RPA1: variants seen among roughly 807,000 people sequenced by gnomAD.
RPA1 encodes replication protein A1.
RPA1 carries 49 observed loss-of-function variants against 83.0 expected under a neutral mutation model. The ratio of observed to expected loss-of-function variants is 0.59; its 90% CI spans 0.47 to 0.75. The LOEUF is 0.75. RPA1 is among the 30% of genes least tolerant of loss of function. The probability of loss-of-function intolerance (pLI) is 0.00; values close to 1 mark genes in which losing one functional copy is unlikely to be tolerated. For missense variants in RPA1, 693 were observed against 776.1 expected, an observed-to-expected ratio of 0.89 and a Z score of 1.27; for synonymous variants, 279 against 281.8, an observed-to-expected ratio of 0.99 and a Z score of 0.10.
At chr17:1,833,247 G>T (rs1330206131) in intron 1 of RPA1, among the ~76,000 whole-genome samples, 1 of 152,160 alleles carries the variant, frequency 6.6e-6, no homozygotes, top group Non-Finnish European at 1.5e-5. Flanking sequence ...TAAATTCCAT[G>T]AGGCCTGCAA....
intron 15 of RPA1, among the ~76,000 whole-genome samples, 173 bp downstream of exon 15, chr17:1,892,113 T>G (rs1914225527): frequency 6.6e-6 from 1 of 151,782 alleles, no homozygotes; most frequent in African/African-American, 2.4e-5. Flanking sequence ...TTCAAGTGAT[T>G]CTCCTGCCCC....
chr17:1,894,166 ACCT>A (rs1471095838), intron 15 of RPA1, among the ~76,000 whole-genome samples: 2 of 140,818 alleles, frequency 1.4e-5, no homozygotes, highest in Admixed American at 1.4e-4. Context: ...ACCATACCTG[ACCT>A]CCTAATTTTT....
intron 12 of RPA1, among the ~76,000 whole-genome samples, chr17:1,883,324 C>T (rs1191146128): frequency 2.6e-5 from 4 of 152,030 alleles, no homozygotes; most frequent in Admixed American, 6.6e-5. Flanking sequence ...CCACCACGCC[C>T]GGCTAATTTT....
At chr17:1,867,404 A>C (rs1913217150) in intron 5 of RPA1, among the ~76,000 whole-genome samples, 1 of 152,072 alleles carries the variant, frequency 6.6e-6, no homozygotes, top group Non-Finnish European at 1.5e-5. Flanking sequence ...TTTGGGGGCA[A>C]AAGTGTTTAT....
intron 1 of RPA1, among the ~76,000 whole-genome samples, chr17:1,831,760 G>A (rs1247604493): frequency 1.5e-4 from 22 of 151,298 alleles, no homozygotes; most frequent in Non-Finnish European, 5.9e-5. Flanking sequence ...CACCACGCCC[G>A]GCTAATTTTT....
chr17:1,842,675 G>T, intron 1 of RPA1, 128 bp from the exon 2 acceptor site: 1 of 725,176 alleles, frequency 1.4e-6, no homozygotes. Flanking sequence ...AGATGCTTCA[G>T]CTGACAGGCT....
chr17:1,881,239 C>G (rs1597453056), intron 12 of RPA1, among the ~76,000 whole-genome samples: 1 of 152,178 alleles, frequency 6.6e-6, no homozygotes, highest in African/African-American at 2.4e-5. Flanking sequence ...CATTCAAACT[C>G]TGTCTTAAAA....
chr17:1,832,889 T>C (rs949440701), intron 1 of RPA1, among the ~76,000 whole-genome samples: 5 of 152,142 alleles, frequency 3.3e-5, no homozygotes. Context: ...GTTTGTTGAT[T>C]TATCAGTTTC....
At chr17:1,883,769 G>A in intron 12 of RPA1, 43 bp from the exon 13 acceptor site, 1 of 1,611,316 alleles carries the variant, frequency 6.2e-7, no homozygotes, top group African/African-American at 1.3e-5. Context: ...GCAGAAGCAT[G>A]TCACATCAAG....
At chr17:1,874,427 G>A (rs1210344020) in intron 6 of RPA1, among the ~76,000 whole-genome samples, 1 of 152,204 alleles carries the variant, frequency 6.6e-6, no homozygotes, top group African/African-American at 2.4e-5. Flanking sequence ...GATCGTTTGA[G>A]CTCAGGAGTT....
chr17:1,846,178 G>C (rs1246440327), intron 4 of RPA1, among the ~76,000 whole-genome samples: 1 of 151,964 alleles, frequency 6.6e-6, no homozygotes, highest in Non-Finnish European at 1.5e-5. Context: ...ATGCTAGAAT[G>C]ACCACTTGCC....
chr17:1,863,084 C>G (rs1913046151), intron 5 of RPA1, among the ~76,000 whole-genome samples: 1 of 151,918 alleles, frequency 6.6e-6, no homozygotes. Flanking sequence ...AGTGCAGTGG[C>G]TCAAAAAGGG....
At chr17:1,842,515 T>C (rs1912089597) in intron 1 of RPA1, among the ~76,000 whole-genome samples, 1 of 152,200 alleles carries the variant, frequency 6.6e-6, no homozygotes, top group African/African-American at 2.4e-5. Flanking sequence ...ATTTATCTAA[T>C]TCCCTGTTAA....
intron 5 of RPA1, 195 bp from the exon 6 acceptor site, chr17:1,872,239 G>T: frequency 1.4e-6 from 1 of 737,460 alleles, no homozygotes; most frequent in Non-Finnish European, 2.2e-6. Context: ...CCAACCTTTT[G>T]TGTAATGAAA....
At chr17:1,877,179 C>T in intron 7 of RPA1, 33 bp from the exon 8 acceptor site, 2 of 1,577,834 alleles carry the variant, frequency 1.3e-6, no homozygotes, top group Non-Finnish European at 1.7e-6. Context: ...CAAGGAAGAC[C>T]CCATACACTA....
Position 1,844,585 on chromosome 17 carries a change from G to A in RPA1, c.171G>A (p.Met57Ile). The A allele has an allele frequency of 2.5e-6, 4 of 1,612,838 alleles. No homozygotes were observed. Among genetic ancestry groups the A allele is most frequent in the Non-Finnish European group, 2.5e-6 (3 of 1,179,440 alleles). Residue 57 changes from methionine (M) to isoleucine (I), a missense_variant, in exon 4 of 17, where the codon ATG (methionine) becomes ATA (isoleucine). Coordinates refer to ENST00000254719, the MANE Select transcript of RPA1 (RefSeq NM_002945.5). ...AATCTCTGTGGTTTTCAGCTTTCATGTTGGCGACACAGTTGAACCCTCTCG... is the reference window on the plus strand; with the variant it reads ...AATCTCTGTGGTTTTCAGCTTTCATATTGGCGACACAGTTGAACCCTCTCG... The part of the protein sequence containing the change: ...SDGLNTLSSF[M>I]LATQLNPLVE...
chr17:1,877,343 G>A (rs1047463290), intron 8 of RPA1, 29 bp downstream of exon 8: 2 of 1,597,256 alleles, frequency 1.3e-6, no homozygotes, highest in African/African-American at 2.7e-5. Context: ...GGGGAGTGAG[G>A]GCAGTGGGCT....
chr17:1,861,259 C>G (rs1912952844), intron 5 of RPA1, among the ~76,000 whole-genome samples: 1 of 152,202 alleles, frequency 6.6e-6, no homozygotes, highest in South Asian at 2.1e-4. Context: ...TCCCCAGACT[C>G]TCGGCCCCCA....
In RPA1 at chr17:1,872,492, C is replaced by G. The variant is rs1286371250; in HGVS notation, c.420C>G (p.Ser140Arg). The G allele has an allele frequency of 3.7e-6, 6 of 1,613,892 alleles. No homozygotes were observed. The South Asian group carries it at 6.6e-5, about 18-fold the overall frequency. The change falls in exon 6 of 17, where the codon AGC becomes AGG. Residue 140 changes from serine (S) to arginine (R), a missense_variant. Physicochemically the swap from Ser to Arg is moderately radical, Grantham distance 110 (BLOSUM62 -1). Transcript: ENST00000254719. ...CAGCAGCCAGCCCAGCAGCAAGCAG[C>G]AGGCCCCAGCCGCAGAATGGAAGCT... ...PAPAASPAAS[S>R]RPQPQNGSSG...
Sources: gnomAD v4.1 joint callset for allele counts (sites outside exome capture counted in the v4.1 genomes callset) on GRCh38, gnomAD v4.1.1 for gene constraint, MANE v1.5 for transcripts, NCBI Gene and HGNC (gene_info 2026-07-23, HGNC 2026-07-21) for gene names.